The following CD160 variants were observed in gnomAD, a reference collection of about 807,000 sequenced individuals.
The protein encoded by CD160 is CD160 antigen.
Under a neutral mutation model 19.2 loss-of-function variants are expected in CD160, and 11 were observed. The observed-to-expected ratio is 0.57, with a 90% CI of 0.36 to 0.95. CD160 has a LOEUF of 0.95. Ranked by LOEUF, CD160 falls within the 40% of genes least tolerant of loss-of-function variation. CD160 has a pLI of 0.01. For missense variants in CD160, 182 were observed against 213.2 expected, an observed-to-expected ratio of 0.85 and a Z score of 0.91; for synonymous variants, 75 against 81.1, an observed-to-expected ratio of 0.93 and a Z score of 0.40.
intron 1 of CD160, among the ~76,000 whole-genome samples, chr1:145,719,852 C>G (rs781800414): frequency 2.6e-5 from 4 of 152,224 alleles, no homozygotes; most frequent in Non-Finnish European, 5.9e-5. Context: ...TGCTGGAGCT[C>G]TTCAAGGATT....
Position 145,730,872 on chromosome 1 carries a change from T to G in CD160, c.202T>G (p.Cys68Gly), listed in dbSNP as rs1553709076. The change falls in exon 4 of 6, where the codon TGT becomes GGT. Residue 68 changes from cysteine (C) to glycine (G), a missense_variant. Coordinates refer to ENST00000369288, the MANE Select transcript of CD160 (RefSeq NM_007053.4). ...TTTGTGCAAGGACAGGTCTGGAGAC[T>G]GTTCTCCTGAGACCAGTTTAAAACA... is the stretch of plus-strand genomic sequence containing the variant. ...VFLCKDRSGDCSPETSLKQLR... is the reference protein window; with the variant it reads ...VFLCKDRSGDGSPETSLKQLR... 4 of 1,613,956 alleles carry G rather than the reference T, an allele frequency of 2.5e-6. No individual in the cohort carries two copies. In the African/African-American group the frequency reaches 5.3e-5, roughly 22 times the overall value.
intron 1 of CD160, among the ~76,000 whole-genome samples, chr1:145,723,631 T>TG (rs1368325378): frequency 2.0e-5 from 3 of 152,202 alleles, no homozygotes; most frequent in Non-Finnish European, 4.4e-5. Flanking sequence ...TTGCCCAGGC[T>TG]GGAGTGCAGT....
chr1:145,736,168 A>G, intron 5 of CD160, 34 bp downstream of exon 5: 2 of 1,613,754 alleles, frequency 1.2e-6, no homozygotes, highest in Non-Finnish European at 1.7e-6. Flanking sequence ...ACCCCAAGCA[A>G]TGAGGGTGCT....
intron 4 of CD160, among the ~76,000 whole-genome samples, chr1:145,735,221 T>C (rs1431953479): frequency 6.6e-6 from 1 of 152,242 alleles, no homozygotes; most frequent in Non-Finnish European, 1.5e-5. Flanking sequence ...CATGGTCTTT[T>C]GAGCTATTGT....
At chr1:145,730,188 T>TA in intron 3 of CD160, among the ~76,000 whole-genome samples, 1 of 152,118 alleles carries the variant, frequency 6.6e-6, no homozygotes, top group Admixed American at 6.5e-5. Context: ...GGCATAGTGG[T>TA]GCATACCTGT....
chr1:145,727,781 T>A (rs1025713226), intron 2 of CD160, among the ~76,000 whole-genome samples: 2 of 152,098 alleles, frequency 1.3e-5, no homozygotes, highest in Non-Finnish European at 2.9e-5. Context: ...TATGAAAAGA[T>A]CCTCAACTTC....
chr1:145,725,424 G>A lies in CD160; in HGVS notation c.-73+518G>A, dbSNP rs192635954. 7.0e-4 allele frequency among the ~76,000 whole-genome samples: 107 copies of A among 152,200 alleles called. No individual in the cohort carries two copies. The Middle Eastern group carries it at 0.014, about 19-fold the overall frequency. ...CGTGCCACTGCACTCCAGCCTGGGC[G>A]ACAGAGTGAGACTCTGTCTCAAAAG... On this transcript the variant is annotated intron_variant, in intron 2 of 5. Transcript: ENST00000369288.
In CD160 at chr1:145,728,140, C is replaced by A. The variant is rs587622564; in HGVS notation, c.-72-116C>A. 8.9e-6 allele frequency: 5 copies of A among 563,316 alleles called. No individual in the cohort carries two copies. The East Asian group carries it at 1.5e-4, about 17-fold the overall frequency. 34.9% of individuals were successfully genotyped at this position (563,316 alleles called of 1,614,324 possible). Reference sequence around the variant, plus strand: ...CTTCCCAGCCAGCTGGACTCTCATGCCCAAGCCCTCCTCTACCTCCATCAT... The same window carrying A: ...CTTCCCAGCCAGCTGGACTCTCATGACCAAGCCCTCCTCTACCTCCATCAT... On this transcript the variant is annotated intron_variant, in intron 2 of 5. Transcript: ENST00000369288.
Position 145,736,064 on chromosome 1 carries a change from C to A in CD160, c.468C>A (p.Gly156=). 1 of 1,613,762 alleles carries A rather than the reference C, an allele frequency of 6.2e-7. No individual in the cohort carries two copies. The highest frequency in any genetic ancestry group is 8.5e-7 in the Non-Finnish European group (1 of 1,179,660). ...RQHLEFSHNE[G]TLSSGFLQEK... is the part of the protein sequence containing the mutation. ...ACCTTGAGTTCAGCCATAATGAAGG[C>A]ACTCTCAGTTCAGGCTTCCTACAAG... The change falls in exon 5 of 6, where the codon GGC becomes GGA. Residue 156 remains glycine (G), a synonymous_variant. Coordinates refer to ENST00000369288, the MANE Select transcript of CD160 (RefSeq NM_007053.4).
chr1:145,722,986 T>C (rs1553708003), intron 1 of CD160, among the ~76,000 whole-genome samples: 1 of 152,214 alleles, frequency 6.6e-6, no homozygotes, highest in African/African-American at 2.4e-5. Flanking sequence ...GAATGAATAA[T>C]TGCAATCCTT....
intron 1 of CD160, among the ~76,000 whole-genome samples, chr1:145,720,673 A>C (rs1656799696): frequency 6.6e-6 from 1 of 152,166 alleles, no homozygotes; most frequent in South Asian, 2.1e-4. Context: ...CCGGTGGCAG[A>C]GGAAATGGAG....
rs1347202146 is a variant in CD160, at chr1:145,722,581, G to GT, written c.-178-2212dup. Among the ~76,000 whole-genome samples the GT allele has an allele frequency of 2.6e-4, 40 of 151,994 alleles. No homozygotes were observed. In the East Asian group the frequency reaches 4.6e-3, roughly 18 times the overall value. On this transcript the variant is annotated intron_variant, in intron 1 of 5. Transcript: ENST00000369288. ...CTTGACCGAGTCATGCAACTATTAAGTTTTTTTTGTTTTTATTTTTGTTTT... is the reference window on the plus strand; with the variant it reads ...CTTGACCGAGTCATGCAACTATTAAGTTTTTTTTTGTTTTTATTTTTGTTTT...
chr1:145,725,765 G>A (rs1204773767), intron 2 of CD160, among the ~76,000 whole-genome samples: 1 of 151,828 alleles, frequency 6.6e-6, no homozygotes, highest in Admixed American at 6.6e-5. Context: ...TTAGAAAAAA[G>A]ACAGAGATTC....
chr1:145,728,444 T>A, intron 3 of CD160, 44 bp downstream of exon 3: 1 of 1,240,066 alleles, frequency 8.1e-7, no homozygotes, highest in Non-Finnish European at 1.2e-6. Flanking sequence ...GGGAGGATCC[T>A]GGGCTTGTGG....
chr1:145,723,371 G>A lies in CD160; in HGVS notation c.-178-1430G>A, dbSNP rs587750726. 5.3e-5 allele frequency among the ~76,000 whole-genome samples: 8 copies of A among 152,128 alleles called. No individual in the cohort carries two copies. The South Asian group carries it at 1.7e-3, about 32-fold the overall frequency. ...GGGTTTTTTGGTTGCTATAATGAAT[G>A]GAACTTTTCCTTCTACCATATTTTC... On this transcript the variant is annotated intron_variant, in intron 1 of 5. Transcript: ENST00000369288.
intron 2 of CD160, among the ~76,000 whole-genome samples, chr1:145,726,537 C>A (rs587774314): frequency 3.9e-5 from 6 of 152,220 alleles, no homozygotes; most frequent in African/African-American, 1.4e-4. Flanking sequence ...ACAATGAGAA[C>A]ACATGAACCC....
rs1571692440 is a variant in CD160 at position 145,738,684 on chromosome 1, C to A, written c.*191C>A. On this transcript the variant is annotated 3_prime_UTR_variant, in exon 6 of 6. Transcript: ENST00000369288. ...GTGTAATCCTTGACTTTGCTCCTCA[C>A]CATCAGGGCAAACTTGCCTTCTTCC... 3 of 398,568 alleles carry A rather than the reference C, an allele frequency of 7.5e-6. No homozygotes were observed. In the East Asian group the frequency reaches 1.1e-4, roughly 14 times the overall value. The allele number at this position is 398,568 out of a possible 1,614,324, so 24.7% of individuals were successfully genotyped here.
Position 145,738,554 on chromosome 1 carries a change from G to GT in CD160, c.*62dup. 8.8e-7 allele frequency: 1 copy of GT among 1,137,220 alleles called. No individual in the cohort carries two copies. Among genetic ancestry groups the GT allele is most frequent in the South Asian group, 3.5e-5 (1 of 28,244 alleles). 70.4% of individuals were successfully genotyped at this position (1,137,220 alleles called of 1,614,324 possible). On this transcript the variant is annotated 3_prime_UTR_variant, in exon 6 of 6. Coordinates refer to ENST00000369288, the MANE Select transcript of CD160 (RefSeq NM_007053.4). ...GCAAGATGAGTCTGACTATGGCTTA[G>GT]TATCTTTCTCATTACAATAGGCACA...
intron 5 of CD160, chr1:145,736,841 G>A (rs1338817238): frequency 6.6e-6 from 1 of 152,376 alleles, no homozygotes. Flanking sequence ...CCACACATAT[G>A]GCAGGCTCTT....
Sources: allele counts gnomAD v4.1 joint callset (sites outside exome capture counted in the v4.1 genomes callset), GRCh38; gene constraint gnomAD v4.1.1; transcripts MANE v1.5; gene names NCBI Gene and HGNC (gene_info 2026-07-23, HGNC 2026-07-21).